SLC16A14: variants seen among roughly 807,000 people sequenced by gnomAD.
SLC16A14 encodes the protein solute carrier family 16 member 14.
SLC16A14 carries 14 observed loss-of-function variants against 35.8 expected under a neutral mutation model. The ratio of observed to expected loss-of-function variants is 0.39; its 90% CI spans 0.26 to 0.61. SLC16A14 has a LOEUF of 0.61. SLC16A14 is among the 20% of genes least tolerant of loss of function. The pLI is 0.51. For missense variants in SLC16A14, 533 were observed against 655.0 expected (o/e 0.81, Z 2.03); for synonymous variants, 248 against 258.9 (o/e 0.96, Z 0.40).
At chr2:230,057,797 C>G (rs1368379806) in intron 2 of SLC16A14, among the ~76,000 whole-genome samples, 1 of 152,052 alleles carries the variant, frequency 6.6e-6, no homozygotes, top group East Asian at 1.9e-4. Flanking sequence ...GAGGCCAAGG[C>G]AGGTGGATCA....
At chr2:230,064,526 A>G (rs145381849) in intron 1 of SLC16A14, among the ~76,000 whole-genome samples, 1 of 152,302 alleles carries the variant, frequency 6.6e-6, no homozygotes, top group Non-Finnish European at 1.5e-5. Context: ...TTGTGTGCAG[A>G]ATCCTGAGGA....
At chr2:230,045,429 G>A (rs2077596357) in intron 4 of SLC16A14, among the ~76,000 whole-genome samples, 1 of 152,130 alleles carries the variant, frequency 6.6e-6, no homozygotes, top group Admixed American at 6.5e-5. Context: ...GCGTGGTGGT[G>A]CACACCTGTA....
intron 1 of SLC16A14, chr2:230,066,526 T>G: frequency 2.7e-6 from 1 of 365,326 alleles, no homozygotes. Context: ...GTCAGCTACA[T>G]ATTTACGTGA....
chr2:230,040,018 A>G (rs1169317883), intron 4 of SLC16A14, among the ~76,000 whole-genome samples: 2 of 152,074 alleles, frequency 1.3e-5, no homozygotes, highest in Non-Finnish European at 2.9e-5. Context: ...ATTTGTTAGC[A>G]TCTCAAATAC....
At chr2:230,057,001 A>G (rs1347310805) in intron 2 of SLC16A14, among the ~76,000 whole-genome samples, 3 of 152,162 alleles carry the variant, frequency 2.0e-5, no homozygotes, top group African/African-American at 7.2e-5. Context: ...CCAATCAGAC[A>G]CACATTGGCC....
intron 2 of SLC16A14, among the ~76,000 whole-genome samples, chr2:230,054,078 G>C (rs1358585487): frequency 1.2e-5 from 1 of 85,746 alleles, no homozygotes; most frequent in Non-Finnish European, 2.8e-5. Context: ...CCCAGGTGCA[G>C]CCTGAGGTGG....
chr2:230,047,283 G>A (rs1196705242), intron 3 of SLC16A14, among the ~76,000 whole-genome samples: 1 of 146,166 alleles, frequency 6.8e-6, no homozygotes, highest in Non-Finnish European at 1.5e-5. Context: ...AGTTTCTAAT[G>A]TACTCAGGGA....
intron 4 of SLC16A14, among the ~76,000 whole-genome samples, chr2:230,040,542 T>A (rs2077553078): frequency 6.6e-6 from 1 of 152,090 alleles, no homozygotes; most frequent in African/African-American, 2.4e-5. Context: ...TTATTATTAT[T>A]TTTTTTTAAA....
chr2:230,052,614 C>T (rs771563234), intron 2 of SLC16A14, among the ~76,000 whole-genome samples: 2 of 103,004 alleles, frequency 1.9e-5, no homozygotes, highest in African/African-American at 3.2e-5. Flanking sequence ...ATTAAAAAGG[C>T]GTTTGAGAAA....
At chr2:230,059,924 T>G (rs2077737810) in intron 1 of SLC16A14, among the ~76,000 whole-genome samples, 1 of 152,178 alleles carries the variant, frequency 6.6e-6, no homozygotes, top group Non-Finnish European at 1.5e-5. Context: ...CTAACCCAGC[T>G]CAGGAGAGAC....
intron 1 of SLC16A14, among the ~76,000 whole-genome samples, chr2:230,065,902 T>C (rs1431287672): frequency 6.6e-6 from 1 of 152,140 alleles, no homozygotes; most frequent in African/African-American, 2.4e-5. Flanking sequence ...TTGACCACCA[T>C]AGGGCCTTCA....
chr2:230,059,554 A>G (rs187369455), intron 1 of SLC16A14, among the ~76,000 whole-genome samples, 188 bp from the exon 2 acceptor site: 4 of 152,210 alleles, frequency 2.6e-5, no homozygotes, highest in East Asian at 1.9e-4. Context: ...AAGTGCTTCT[A>G]TGAAACCTGT....
At chr2:230,065,390 G>A (rs1293450607) in intron 1 of SLC16A14, among the ~76,000 whole-genome samples, 1 of 152,088 alleles carries the variant, frequency 6.6e-6, no homozygotes. Flanking sequence ...CTGAGTAGCT[G>A]GGACTTCAGG....
chr2:230,037,580 A>T lies in SLC16A14; in HGVS notation c.1382-49T>A, dbSNP rs780767132. 3 of 1,456,136 alleles carry T rather than the reference A, an allele frequency of 2.1e-6. No individual in the cohort carries two copies. In the African/African-American group the frequency reaches 4.3e-5, roughly 21 times the overall value. The allele number at this position is 1,456,136 out of a possible 1,614,324, so 90.2% of individuals were successfully genotyped here. On this transcript the variant is annotated intron_variant, in intron 4 of 4. Transcript: ENST00000295190. ...TCAGTGTCATGGAGTTGATACAATGAAAGTGAAGAACATGAAGCAGGCATT... is the reference window on the plus strand; with the variant it reads ...TCAGTGTCATGGAGTTGATACAATGTAAGTGAAGAACATGAAGCAGGCATT...
intron 1 of SLC16A14, chr2:230,067,189 G>A (rs929169109): frequency 6.5e-6 from 1 of 154,092 alleles, no homozygotes; most frequent in Non-Finnish European, 1.4e-5. Context: ...GCGGCCAGCA[G>A]GCTGAAGAGG....
At chr2:230,047,961 A>G (rs1459906185) in intron 3 of SLC16A14, among the ~76,000 whole-genome samples, 1 of 152,244 alleles carries the variant, frequency 6.6e-6, no homozygotes, top group East Asian at 1.9e-4. Context: ...TTCAAAGGAT[A>G]CAGAAGTGCT....
At chr2:230,039,156 T>C (rs888992204) in intron 4 of SLC16A14, among the ~76,000 whole-genome samples, 10 of 151,436 alleles carry the variant, frequency 6.6e-5, no homozygotes, top group African/African-American at 2.4e-4. Context: ...GCCTGGATTA[T>C]CTATTTACAG....
At chr2:230,063,470 G>A (rs2077767584) in intron 1 of SLC16A14, among the ~76,000 whole-genome samples, 1 of 151,810 alleles carries the variant, frequency 6.6e-6, no homozygotes, top group Non-Finnish European at 1.5e-5. Context: ...ATTTATAATA[G>A]TGAAACCCTG....
In SLC16A14 at chr2:230,053,871, G is replaced by A. The variant is rs191767407; in HGVS notation, c.260-3967C>T. On this transcript the variant is annotated intron_variant, in intron 2 of 4. Coordinates refer to ENST00000295190, the MANE Select transcript of SLC16A14 (RefSeq NM_152527.5). ...GGCAGCTGACAGGTTGGAAAAAAGC[G>A]CTGGTAGAGGAGCAATCACAGGTGA... Among the ~76,000 whole-genome samples the A allele has an allele frequency of 3.6e-3, 555 of 152,284 alleles. 3 individuals carry two copies. The highest frequency in any genetic ancestry group is 0.013 in the African/African-American group (531 of 41,560).
Sources: gnomAD v4.1 joint callset for allele counts (sites outside exome capture counted in the v4.1 genomes callset) on GRCh38, gnomAD v4.1.1 for gene constraint, MANE v1.5 for transcripts, NCBI Gene and HGNC (gene_info 2026-07-23, HGNC 2026-07-21) for gene names.